The following MVB12B variants were observed in gnomAD, a reference collection of about 807,000 sequenced individuals.
The protein encoded by MVB12B is ESCRT-I complex subunit MVB12B.
A neutral mutation model predicts 41.6 loss-of-function variants in MVB12B; 16 were observed. The ratio of observed to expected loss-of-function variants is 0.38; its 90% confidence interval spans 0.26 to 0.58. MVB12B has a LOEUF of 0.58. Among genes scored for constraint, MVB12B ranks in the 20% least tolerant of loss-of-function variants. The probability of loss-of-function intolerance (pLI) is 0.62; values close to 1 mark genes in which losing one functional copy is unlikely to be tolerated. For synonymous variants in MVB12B, 133 were observed against 139.7 expected, an observed-to-expected ratio of 0.95 and a Z score of 0.34; for missense variants, 274 against 380.2, an observed-to-expected ratio of 0.72 and a Z score of 2.32.
chr9:126,405,453 C>A (rs1831392467), intron 6 of MVB12B, among the ~76,000 whole-genome samples: 1 of 151,904 alleles, frequency 6.6e-6, no homozygotes, highest in Non-Finnish European at 1.5e-5. Flanking sequence ...TGAACCAGAC[C>A]ATTTAGAGAA....
chr9:126,493,209 T>TA (rs1459225951), intron 9 of MVB12B, among the ~76,000 whole-genome samples: 2 of 152,122 alleles, frequency 1.3e-5, no homozygotes, highest in Non-Finnish European at 2.9e-5. Context: ...ATTAAAATAT[T>TA]AAATACTTTT....
At chr9:126,382,237 G>T (rs1830657307) in intron 3 of MVB12B, among the ~76,000 whole-genome samples, 1 of 152,048 alleles carries the variant, frequency 6.6e-6, no homozygotes, top group South Asian at 2.1e-4. Flanking sequence ...TGTCCCCTTG[G>T]TGTTTTCTGA....
chr9:126,372,279 G>T (rs1830362707), intron 2 of MVB12B, among the ~76,000 whole-genome samples: 1 of 152,216 alleles, frequency 6.6e-6, no homozygotes, highest in Admixed American at 6.5e-5. Flanking sequence ...ATCAGTTGAT[G>T]AATGTTTGGA....
chr9:126,496,316 CCCACCCTT>C (rs1460319264), intron 9 of MVB12B, among the ~76,000 whole-genome samples: 1 of 142,310 alleles, frequency 7.0e-6, no homozygotes, highest in Non-Finnish European at 1.5e-5. Flanking sequence ...CATCACCCCA[CCCACCCTT>C]CCACCCATCC....
chr9:126,451,027 G>T (rs553248302), intron 7 of MVB12B, among the ~76,000 whole-genome samples: 1 of 152,322 alleles, frequency 6.6e-6, no homozygotes, highest in South Asian at 2.1e-4. Flanking sequence ...GCGGTGAGTG[G>T]CTGTGTTTGG....
intron 7 of MVB12B, among the ~76,000 whole-genome samples, chr9:126,431,669 C>T (rs1251678605): frequency 1.3e-5 from 2 of 152,106 alleles, no homozygotes; most frequent in African/African-American, 2.4e-5. Flanking sequence ...TGGGCCACAT[C>T]CCCTTCTTAA....
chr9:126,484,358 C>T (rs1279467974), intron 9 of MVB12B, among the ~76,000 whole-genome samples: 1 of 152,226 alleles, frequency 6.6e-6, no homozygotes, highest in Non-Finnish European at 1.5e-5. Flanking sequence ...GGACAGGCAC[C>T]AGGTTGACTT....
At chr9:126,452,846 AATGCTT>A (rs1400365802) in intron 7 of MVB12B, among the ~76,000 whole-genome samples, 1 of 152,004 alleles carries the variant, frequency 6.6e-6, no homozygotes, top group Non-Finnish European at 1.5e-5. Context: ...AAATAAATGA[AATGCTT>A]AGGCACTTCA....
intron 7 of MVB12B, among the ~76,000 whole-genome samples, chr9:126,427,672 G>A (rs1004650490): frequency 2.6e-5 from 4 of 152,102 alleles, no homozygotes; most frequent in African/African-American, 9.7e-5. Context: ...ATTAAAACTG[G>A]CATATAATAA....
At chr9:126,331,211 A>G (rs1234122248) in intron 1 of MVB12B, among the ~76,000 whole-genome samples, 3 of 152,188 alleles carry the variant, frequency 2.0e-5, no homozygotes. Flanking sequence ...TGGCTGTGCC[A>G]TTTTACATTC....
At chr9:126,379,169 C>T (rs1023720291) in intron 2 of MVB12B, among the ~76,000 whole-genome samples, 3 of 152,182 alleles carry the variant, frequency 2.0e-5, no homozygotes, top group African/African-American at 7.2e-5. Context: ...TGTAGGTTCC[C>T]TTATTCCCTT....
rs982793037 is a variant in MVB12B, at chr9:126,333,984, T to C, written c.82-6524T>C. Reference sequence around the variant, plus strand: ...AGTGTCAGCTGGGAGCTGTTACAAATGCATGTTCTTAGACCAGCTCAGGCC... The same window carrying C: ...AGTGTCAGCTGGGAGCTGTTACAAACGCATGTTCTTAGACCAGCTCAGGCC... On this transcript the variant is annotated intron_variant, in intron 1 of 9. Coordinates refer to ENST00000361171, the MANE Select transcript of MVB12B (RefSeq NM_033446.3). This position sits in a 1 kb window ranked among gnomAD's most constrained non-coding sequence, Gnocchi z 4.7. Among the ~76,000 whole-genome samples, 41 of 152,234 alleles carry C rather than the reference T, an allele frequency of 2.7e-4. No individual in the cohort carries two copies. Among genetic ancestry groups the C allele is most frequent in the African/African-American group, 9.9e-4 (41 of 41,458 alleles).
chr9:126,482,649 A>G (rs4837091), intron 8 of MVB12B, among the ~76,000 whole-genome samples: 63,823 of 152,170 alleles, frequency 0.42, 13,955 homozygotes, highest in East Asian at 0.71. Context: ...GCTGGGTCGC[A>G]GGCAGGCGGC....
intron 6 of MVB12B, among the ~76,000 whole-genome samples, chr9:126,412,572 C>G (rs1000023111): frequency 3.3e-5 from 5 of 152,178 alleles, no homozygotes; most frequent in African/African-American, 1.2e-4. Flanking sequence ...AAGTGTTCCC[C>G]TAGTTTTTGC....
At chr9:126,379,412 G>A (rs1390923987) in intron 2 of MVB12B, among the ~76,000 whole-genome samples, 1 of 152,160 alleles carries the variant, frequency 6.6e-6, no homozygotes, top group Non-Finnish European at 1.5e-5. Context: ...TTTGTGTGGA[G>A]GAGCTGAGAC....
At chr9:126,359,775 CT>C (rs1202466061) in intron 2 of MVB12B, among the ~76,000 whole-genome samples, 1 of 152,070 alleles carries the variant, frequency 6.6e-6, no homozygotes, top group Non-Finnish European at 1.5e-5. Context: ...TGTCATCTCT[CT>C]TTTTTTCTTG....
At position 126,504,060 on chromosome 9, in the gene MVB12B, C is replaced by T. The variant is rs1215488527; in HGVS notation, c.*797C>T. On this transcript the variant is annotated 3_prime_UTR_variant, in exon 10 of 10. Coordinates refer to ENST00000361171, the MANE Select transcript of MVB12B (RefSeq NM_033446.3). ...AACAATAGCTCCAGGTGCCTCAGCC[C>T]CGTGCCCTGACCCGGGGACCACAGG... 1 of 152,472 alleles carries T rather than the reference C, an allele frequency of 6.6e-6. No homozygotes were observed. The highest frequency in any genetic ancestry group is 2.4e-5 in the African/African-American group (1 of 41,452). The allele number at this position is 152,472 out of a possible 1,614,324, so 9.4% of individuals were successfully genotyped here. A position where few individuals can be genotyped will look rare whatever the true frequency, so the allele number is the denominator to read the frequency against.
At chr9:126,474,272 C>T (rs560730137) in intron 7 of MVB12B, among the ~76,000 whole-genome samples, 5 of 152,194 alleles carry the variant, frequency 3.3e-5, no homozygotes, top group Non-Finnish European at 7.3e-5. Flanking sequence ...AATGCTAGAA[C>T]ATCACAGTCT....
chr9:126,429,998 C>G (rs1449835945), intron 7 of MVB12B, among the ~76,000 whole-genome samples: 4 of 152,188 alleles, frequency 2.6e-5, no homozygotes, highest in African/African-American at 9.7e-5. Context: ...CACCTGCATT[C>G]TCACTTAGAA....
Sources: allele counts gnomAD v4.1 joint callset (sites outside exome capture counted in the v4.1 genomes callset), GRCh38; gene constraint gnomAD v4.1.1; non-coding constraint Gnocchi (gnomAD v3.1); transcripts MANE v1.5; gene names NCBI Gene and HGNC (gene_info 2026-07-23, HGNC 2026-07-21).